TTC29: variants seen among roughly 807,000 people sequenced by gnomAD.
TTC29 encodes tetratricopeptide repeat protein 29.
In TTC29, 49 loss-of-function variants were observed where a neutral mutation model predicts 58.1. The observed-to-expected ratio is 0.84, with a 90% confidence interval of 0.67 to 1.07. TTC29 has a LOEUF of 1.07. Among genes scored for constraint, TTC29 ranks in the 50% least tolerant of loss-of-function variants. The probability of loss-of-function intolerance (pLI) is 0.00; values close to 1 mark genes in which losing one functional copy is unlikely to be tolerated. For synonymous variants in TTC29, 209 were observed against 196.8 expected, an observed-to-expected ratio of 1.06 and a Z score of -0.52; for missense variants, 582 against 555.6, an observed-to-expected ratio of 1.05 and a Z score of -0.48.
intron 11 of TTC29, among the ~76,000 whole-genome samples, chr4:146,757,764 T>C (rs1387048741): frequency 1.3e-5 from 2 of 152,020 alleles, no homozygotes; most frequent in African/African-American, 4.8e-5. Context: ...GACAAACAAA[T>C]GCTGAGAGAA....
intron 9 of TTC29, among the ~76,000 whole-genome samples, chr4:146,823,995 T>A (rs1182640485): frequency 6.6e-6 from 1 of 152,180 alleles, no homozygotes; most frequent in Non-Finnish European, 1.5e-5. Context: ...CTTCAGGAGA[T>A]TTTGAGCTGA....
At chr4:146,941,937 C>T (rs1736443040) in intron 2 of TTC29, among the ~76,000 whole-genome samples, 1 of 152,134 alleles carries the variant, frequency 6.6e-6, no homozygotes, top group Non-Finnish European at 1.5e-5. Context: ...GAAATAGAAC[C>T]ACCTGTGGAT....
chr4:146,722,393 T>C (rs1284105713), intron 11 of TTC29, among the ~76,000 whole-genome samples: 1 of 151,070 alleles, frequency 6.6e-6, no homozygotes, highest in African/African-American at 2.4e-5. Flanking sequence ...AAGCCAGAGG[T>C]CCCACACTAC....
At chr4:146,942,476 GAACT>G (rs1451134144) in intron 2 of TTC29, 2 of 529,746 alleles carry the variant, frequency 3.8e-6, no homozygotes, top group Non-Finnish European at 3.2e-6. Flanking sequence ...GGAATAACAA[GAACT>G]TACTAAATGG....
At chr4:146,763,441 C>T (rs1420943724) in intron 11 of TTC29, among the ~76,000 whole-genome samples, 16 of 151,960 alleles carry the variant, frequency 1.1e-4, no homozygotes, top group Non-Finnish European at 7.4e-5. Context: ...AGATCTCAGG[C>T]CTCCCAGCTC....
At chr4:146,777,609 T>G (rs899142044) in intron 11 of TTC29, among the ~76,000 whole-genome samples, 6 of 152,228 alleles carry the variant, frequency 3.9e-5, no homozygotes, top group Non-Finnish European at 8.8e-5. Flanking sequence ...CTTCTCCAGC[T>G]GCAGTGTTCT....
intron 11 of TTC29, among the ~76,000 whole-genome samples, chr4:146,728,783 GTGTATATATACGTA>G (rs1561066193): frequency 5.4e-4 from 66 of 123,032 alleles, no homozygotes; most frequent in African/African-American, 2.3e-3. Context: ...ACATATATAT[GTGTATATATACGTA>G]TATATACACA....
chr4:146,808,037 C>A (rs1750737926), intron 10 of TTC29, among the ~76,000 whole-genome samples: 1 of 152,112 alleles, frequency 6.6e-6, no homozygotes, highest in African/African-American at 2.4e-5. Context: ...AAAGCTTATT[C>A]ATCATGACCA....
intron 8 of TTC29, among the ~76,000 whole-genome samples, chr4:146,866,156 A>C (rs1579861938): frequency 6.6e-6 from 1 of 152,180 alleles, no homozygotes; most frequent in Non-Finnish European, 1.5e-5. Context: ...AAGAAAATTT[A>C]GTTTTCATTG....
At chr4:146,792,132 C>T (rs1010500147) in intron 11 of TTC29, among the ~76,000 whole-genome samples, 7 of 152,280 alleles carry the variant, frequency 4.6e-5, no homozygotes, top group African/African-American at 7.2e-5. Context: ...CACTAAACGA[C>T]GTATTTTCAA....
Position 146,820,254 on chromosome 4 carries a change from A to G in TTC29, c.978-6T>C, listed in dbSNP as rs765864730. 1 of 1,609,752 alleles carries G rather than the reference A, an allele frequency of 6.2e-7. No homozygotes were observed. The highest frequency in any genetic ancestry group is 8.5e-7 in the Non-Finnish European group (1 of 1,178,910). On this transcript the variant is annotated splice_polypyrimidine_tract_variant and splice_region_variant and intron_variant, in intron 9 of 12. Transcript: ENST00000325106. ...CTTCTGTCATCTCTCCTTGGCTAGAATGAATGAAATAGGAAGTCAATGGAG... is the reference window on the plus strand; with the variant it reads ...CTTCTGTCATCTCTCCTTGGCTAGAGTGAATGAAATAGGAAGTCAATGGAG...
intron 8 of TTC29, among the ~76,000 whole-genome samples, chr4:146,851,232 C>G (rs941231446): frequency 6.6e-6 from 1 of 152,188 alleles, no homozygotes; most frequent in Admixed American, 6.5e-5. Flanking sequence ...CTCACAACCA[C>G]ATTATAACTT....
intron 11 of TTC29, among the ~76,000 whole-genome samples, chr4:146,726,775 C>T (rs1175398418): frequency 1.3e-5 from 2 of 151,990 alleles, no homozygotes; most frequent in Non-Finnish European, 2.9e-5. Context: ...AGAACAGTTC[C>T]TTTGCATTGA....
intron 8 of TTC29, among the ~76,000 whole-genome samples, chr4:146,854,990 T>C (rs1184587280): frequency 1.3e-5 from 2 of 152,150 alleles, no homozygotes; most frequent in Non-Finnish European, 2.9e-5. Context: ...ATCATCTTCA[T>C]CATTAAAAAC....
At chr4:146,732,745 G>A (rs1336790824) in intron 11 of TTC29, among the ~76,000 whole-genome samples, 3 of 152,190 alleles carry the variant, frequency 2.0e-5, no homozygotes, top group East Asian at 1.9e-4. Context: ...AAAGAACTAG[G>A]AGCTAAAAGC....
At chr4:146,929,307 A>G (rs1391476632) in intron 4 of TTC29, among the ~76,000 whole-genome samples, 1 of 152,196 alleles carries the variant, frequency 6.6e-6, no homozygotes. Flanking sequence ...TTTCAACACA[A>G]TGTAAATACA....
intron 6 of TTC29, among the ~76,000 whole-genome samples, chr4:146,890,553 C>A (rs1258843559): frequency 6.6e-6 from 1 of 152,148 alleles, no homozygotes; most frequent in Non-Finnish European, 1.5e-5. Context: ...CCATGGTGAA[C>A]CTGAGGTCAA....
At chr4:146,794,110 A>G (rs1291174018) in intron 11 of TTC29, among the ~76,000 whole-genome samples, 2 of 152,282 alleles carry the variant, frequency 1.3e-5, no homozygotes, top group East Asian at 3.9e-4. Flanking sequence ...ATTACTAAAA[A>G]AATACTATAT....
At chr4:146,903,770 T>C (rs755276864) in intron 5 of TTC29, 41 bp from the exon 6 acceptor site, 3 of 1,434,398 alleles carry the variant, frequency 2.1e-6, no homozygotes, top group African/African-American at 1.4e-5. Context: ...ATTAGAAAGA[T>C]GTCTCATGGC....
Sources: allele counts gnomAD v4.1 joint callset (sites outside exome capture counted in the v4.1 genomes callset), GRCh38; gene constraint gnomAD v4.1.1; transcripts MANE v1.5; gene names NCBI Gene and HGNC (gene_info 2026-07-23, HGNC 2026-07-21).